STXBP5L: variants seen among roughly 807,000 people sequenced by gnomAD.
STXBP5L encodes syntaxin binding protein 5L.
Under a neutral mutation model 144.5 loss-of-function variants are expected in STXBP5L, and 65 were observed. That is an observed-to-expected ratio of 0.45 (90% CI 0.37 to 0.55). The LOEUF is 0.55. STXBP5L is among the 20% of genes least tolerant of loss of function. STXBP5L has a pLI of 0.00. For missense variants in STXBP5L, 1,298 were observed against 1,405.5 expected (o/e 0.92, Z 1.22); for synonymous variants, 505 against 469.6 (o/e 1.08, Z -0.97).
At chr3:121,104,911 C>T (rs1429014009) in intron 5 of STXBP5L, among the ~76,000 whole-genome samples, 1 of 152,058 alleles carries the variant, frequency 6.6e-6, no homozygotes, top group Non-Finnish European at 1.5e-5. Flanking sequence ...AAAGCTTCTG[C>T]ACAGCAAAAG....
At chr3:120,996,687 A>T (rs760964169) in intron 3 of STXBP5L, among the ~76,000 whole-genome samples, 14 of 152,246 alleles carry the variant, frequency 9.2e-5, no homozygotes, top group South Asian at 2.1e-4. Flanking sequence ...TAGATTTCAC[A>T]TATATGTGTA....
intron 3 of STXBP5L, 86 bp from the exon 4 acceptor site, chr3:121,041,614 C>A: frequency 1.0e-6 from 1 of 998,404 alleles, no homozygotes; most frequent in Non-Finnish European, 1.6e-6. Context: ...AATAGCAAAA[C>A]ATCTGTTGAT....
At chr3:121,316,269 T>G (rs2108526214) in intron 19 of STXBP5L, among the ~76,000 whole-genome samples, 1 of 152,290 alleles carries the variant, frequency 6.6e-6, no homozygotes, top group East Asian at 1.9e-4. Flanking sequence ...CCATATTCAG[T>G]TCAGTTCCTA....
intron 20 of STXBP5L, among the ~76,000 whole-genome samples, chr3:121,341,462 T>C (rs750579311): frequency 1.3e-5 from 2 of 152,110 alleles, no homozygotes; most frequent in Non-Finnish European, 2.9e-5. Flanking sequence ...GTTTAGAAGT[T>C]CCTCAAAATA....
rs2049051604 is a variant in STXBP5L, at chr3:121,224,185, C to T, written c.1111+1028C>T. On this transcript the variant is annotated intron_variant, in intron 11 of 26. Transcript: ENST00000471454. ...CTTTACATTTATTAGTTTTATTTAT[C>T]GTTTGTAGAAAGAGAATAGTAATAT... is the stretch of plus-strand genomic sequence containing the variant. Among the ~76,000 whole-genome samples the T allele has an allele frequency of 2.0e-5, 3 of 152,128 alleles. No homozygotes were observed. In the South Asian group the frequency reaches 6.2e-4, roughly 32 times the overall value.
At chr3:120,937,156 G>A (rs777418275) in intron 2 of STXBP5L, among the ~76,000 whole-genome samples, 2 of 152,128 alleles carry the variant, frequency 1.3e-5, no homozygotes, top group Non-Finnish European at 2.9e-5. Context: ...CTTGGATAAA[G>A]TTTTACTTAA....
intron 9 of STXBP5L, among the ~76,000 whole-genome samples, chr3:121,182,846 A>T (rs1171078569): frequency 6.6e-6 from 1 of 152,216 alleles, no homozygotes; most frequent in African/African-American, 2.4e-5. Context: ...AAAACAAAAG[A>T]TCATTCAAGG....
intron 20 of STXBP5L, among the ~76,000 whole-genome samples, chr3:121,373,504 C>T (rs749596463): frequency 6.6e-6 from 1 of 152,190 alleles, no homozygotes; most frequent in Admixed American, 6.5e-5. Context: ...TGCCCAATGA[C>T]TCCTGCATCT....
intron 9 of STXBP5L, among the ~76,000 whole-genome samples, chr3:121,205,158 T>A (rs747345763): frequency 2.0e-5 from 3 of 152,212 alleles, no homozygotes; most frequent in Non-Finnish European, 2.9e-5. Flanking sequence ...ATTGTTGTCC[T>A]AGTCTGTTTC....
chr3:121,385,702 G>T (rs1016129357), intron 22 of STXBP5L, among the ~76,000 whole-genome samples: 1 of 151,880 alleles, frequency 6.6e-6, no homozygotes, highest in Non-Finnish European at 1.5e-5. Context: ...CTTCATACTG[G>T]TCATATACCA....
chr3:121,219,875 A>G (rs1353368257), intron 10 of STXBP5L, among the ~76,000 whole-genome samples: 3 of 152,126 alleles, frequency 2.0e-5, no homozygotes, highest in Non-Finnish European at 4.4e-5. Context: ...AATACTCAAT[A>G]TATGTTAGCA....
chr3:121,397,498 T>A (rs534217638), intron 22 of STXBP5L, among the ~76,000 whole-genome samples: 1 of 152,346 alleles, frequency 6.6e-6, no homozygotes, highest in East Asian at 1.9e-4. Context: ...AATTGGCTTA[T>A]CTGTTAATCA....
intron 5 of STXBP5L, among the ~76,000 whole-genome samples, chr3:121,056,138 T>A (rs1396979168): frequency 2.6e-5 from 4 of 152,176 alleles, no homozygotes; most frequent in Admixed American, 1.3e-4. Context: ...TGGTGGATGA[T>A]CCTTGGACTT....
At chr3:121,159,521 A>C (rs2046238351) in intron 9 of STXBP5L, among the ~76,000 whole-genome samples, 1 of 152,148 alleles carries the variant, frequency 6.6e-6, no homozygotes, top group Admixed American at 6.5e-5. Flanking sequence ...GTAGCCAGAG[A>C]ATATGACATA....
At chr3:121,143,988 G>A (rs1348466708) in intron 7 of STXBP5L, among the ~76,000 whole-genome samples, 1 of 151,608 alleles carries the variant, frequency 6.6e-6, no homozygotes, top group Non-Finnish European at 1.5e-5. Context: ...AAACATGTAG[G>A]ACAAGGTCAA....
rs142789794 is a variant in STXBP5L, at chr3:121,075,234, C to T, written c.470+29699C>T. Among the ~76,000 whole-genome samples the T allele has an allele frequency of 1.7e-4, 26 of 152,214 alleles. No homozygotes were observed. In the East Asian group the frequency reaches 4.7e-3, roughly 27 times the overall value. ...CTTTTCTCTCTCTGGACATTCATTCCTCCAGTGTCCCATCTGCTTGCATTT... is the reference window on the plus strand; with the variant it reads ...CTTTTCTCTCTCTGGACATTCATTCTTCCAGTGTCCCATCTGCTTGCATTT... On this transcript the variant is annotated intron_variant, in intron 5 of 26. Transcript: ENST00000471454.
At chr3:121,145,681 A>C (rs115537449) in intron 7 of STXBP5L, among the ~76,000 whole-genome samples, 2 of 152,044 alleles carry the variant, frequency 1.3e-5, no homozygotes. Context: ...GACTTCTTGC[A>C]GTGTAATATA....
chr3:121,204,826 T>C (rs909563064), intron 9 of STXBP5L, among the ~76,000 whole-genome samples: 1 of 152,148 alleles, frequency 6.6e-6, no homozygotes, highest in African/African-American at 2.4e-5. Flanking sequence ...AAGATAAGCA[T>C]GTTATGTGCA....
In STXBP5L at chr3:121,254,979, T is replaced by A. The variant is rs1019112915; in HGVS notation, c.1526T>A (p.Ile509Asn). 6.2e-7 allele frequency: 1 copy of A among 1,613,470 alleles called. No homozygotes were observed. Among genetic ancestry groups the A allele is most frequent in the African/African-American group, 1.3e-5 (1 of 74,904 alleles). Residue 509 changes from isoleucine (I) to asparagine (N), a missense_variant, in exon 16 of 27, where the codon ATT (isoleucine) becomes AAT (asparagine). By Grantham distance (149) the Ile-to-Asn change is moderately radical. Transcript: ENST00000471454. ...KVGEGKQTCE[I>N]VEEDPFAIQM... The stretch of plus-strand genomic sequence containing the variant: ...GGAGAAGGAAAACAAACATGTGAAA[T>A]TGTAGAGGAAGACCCATTTGCCATT...
Sources: gnomAD v4.1 joint callset for allele counts (sites outside exome capture counted in the v4.1 genomes callset) on GRCh38, gnomAD v4.1.1 for gene constraint, MANE v1.5 for transcripts, NCBI Gene and HGNC (gene_info 2026-07-23, HGNC 2026-07-21) for gene names.